Variants in MIPEP observed in about 807,000 individuals in gnomAD.
MIPEP encodes the protein mitochondrial intermediate peptidase.
In MIPEP, 79 loss-of-function variants were observed where a neutral mutation model predicts 90.3. The ratio of observed to expected loss-of-function variants is 0.87; its 90% CI spans 0.73 to 1.05. The LOEUF (loss-of-function observed/expected upper bound fraction) is 1.05. MIPEP is among the 50% of genes least tolerant of loss of function. The pLI is 0.00. For synonymous variants in MIPEP, 334 were observed against 315.8 expected, an observed-to-expected ratio of 1.06 and a Z score of -0.61; for missense variants, 940 against 905.6, an observed-to-expected ratio of 1.04 and a Z score of -0.49.
rs150197296 is a variant in MIPEP at position 23,743,318 on chromosome 13, C to T, written c.2045-12873G>A. Among the ~76,000 whole-genome samples the T allele has an allele frequency of 3.3e-3, 507 of 152,330 alleles. 1 individual carries two copies. The highest frequency in any genetic ancestry group is 4.9e-3 in the Non-Finnish European group (336 of 68,026). On this transcript the variant is annotated intron_variant, in intron 18 of 18. Coordinates refer to ENST00000382172, the MANE Select transcript of MIPEP (RefSeq NM_005932.4). ...ATTTTATGAGATCAGAATCCTCATTCCAGATCTGTCTCTCCCAAGCCTAGG... is the reference window on the plus strand; with the variant it reads ...ATTTTATGAGATCAGAATCCTCATTTCAGATCTGTCTCTCCCAAGCCTAGG...
intron 14 of MIPEP, among the ~76,000 whole-genome samples, chr13:23,815,038 G>GATA (rs928760177): frequency 6.6e-6 from 1 of 152,192 alleles, no homozygotes; most frequent in Admixed American, 6.5e-5. Flanking sequence ...AATCAAGCAA[G>GATA]ATAATGAGTT....
At chr13:23,853,599 T>C (rs184677735) in intron 10 of MIPEP, among the ~76,000 whole-genome samples, 1 of 152,072 alleles carries the variant, frequency 6.6e-6, no homozygotes, top group Non-Finnish European at 1.5e-5. Context: ...CTCACTCTGT[T>C]GCCCAAACTG....
intron 18 of MIPEP, among the ~76,000 whole-genome samples, chr13:23,741,622 G>C (rs1952329703): frequency 6.6e-6 from 1 of 151,958 alleles, no homozygotes; most frequent in Non-Finnish European, 1.5e-5. Flanking sequence ...TAAATAATGA[G>C]AACACATGGA....
intron 14 of MIPEP, among the ~76,000 whole-genome samples, chr13:23,816,073 T>C (rs1407392183): frequency 6.6e-6 from 1 of 152,246 alleles, no homozygotes; most frequent in African/African-American, 2.4e-5. Context: ...TGGTTGCCTT[T>C]AAGGTTTTCT....
chr13:23,777,647 A>G (rs1389573240), intron 16 of MIPEP, among the ~76,000 whole-genome samples: 2 of 152,216 alleles, frequency 1.3e-5, no homozygotes, highest in Non-Finnish European at 2.9e-5. Context: ...ATAAGATTAG[A>G]GTGTTTTGTG....
chr13:23,781,455 C>G (rs545665022), intron 16 of MIPEP, among the ~76,000 whole-genome samples: 1 of 152,200 alleles, frequency 6.6e-6, no homozygotes, highest in Admixed American at 6.5e-5. Flanking sequence ...CCAAAGGAAG[C>G]ACTAAACATG....
At chr13:23,778,726 A>AATAATAATG (rs1473010299) in intron 16 of MIPEP, among the ~76,000 whole-genome samples, 3 of 151,906 alleles carry the variant, frequency 2.0e-5, no homozygotes, top group Non-Finnish European at 4.4e-5. Flanking sequence ...TAATAATAAT[A>AATAATAATG]ATAATACATG....
intron 16 of MIPEP, among the ~76,000 whole-genome samples, chr13:23,770,090 G>A (rs147791741): frequency 2.6e-5 from 4 of 152,220 alleles, no homozygotes; most frequent in South Asian, 2.1e-4. Flanking sequence ...TAAATTACCC[G>A]GTTTCAGGTA....
At chr13:23,781,605 T>C (rs1320907663) in intron 16 of MIPEP, among the ~76,000 whole-genome samples, 1 of 151,814 alleles carries the variant, frequency 6.6e-6, no homozygotes, top group Non-Finnish European at 1.5e-5. Context: ...CACATAATAA[T>C]ATTAACCTTA....
chr13:23,850,157 G>GT (rs1438331615), intron 10 of MIPEP, among the ~76,000 whole-genome samples: 2 of 152,214 alleles, frequency 1.3e-5, no homozygotes, highest in African/African-American at 4.8e-5. Flanking sequence ...GACACAGCAC[G>GT]TGACAGTACT....
chr13:23,760,033 A>G (rs1854802436), intron 17 of MIPEP, 63 bp downstream of exon 17: 8 of 1,605,518 alleles, frequency 5.0e-6, no homozygotes, highest in Non-Finnish European at 6.0e-6. Context: ...CGACTTCCAG[A>G]TGTAATAGAG....
At chr13:23,831,389 G>GGGGGGGGGGGGGGGGGGGGGGGGGT (rs1566009699) in intron 14 of MIPEP, among the ~76,000 whole-genome samples, 1 of 144,558 alleles carries the variant, frequency 6.9e-6, no homozygotes, top group Non-Finnish European at 1.5e-5. Flanking sequence ...ATGGCGGGGG[G>GGGGGGGGGGGGGGGGGGGGGGGGGT]GGGATGTGGA....
At chr13:23,805,845 A>C (rs896854694) in intron 16 of MIPEP, 105 bp downstream of exon 16, 18 of 1,257,410 alleles carry the variant, frequency 1.4e-5, no homozygotes, top group Non-Finnish European at 2.0e-5. Flanking sequence ...GCCTCAACAT[A>C]AATGTAGGGA....
intron 14 of MIPEP, among the ~76,000 whole-genome samples, chr13:23,834,701 T>A (rs1157465611): frequency 6.6e-6 from 1 of 151,966 alleles, no homozygotes; most frequent in Non-Finnish European, 1.5e-5. Flanking sequence ...CTCCTGCACT[T>A]CTCCTCCCCA....
intron 16 of MIPEP, among the ~76,000 whole-genome samples, chr13:23,773,729 G>A (rs1214640754): frequency 2.0e-5 from 3 of 152,128 alleles, no homozygotes; most frequent in Non-Finnish European, 4.4e-5. Context: ...ATCTTTTCAT[G>A]TGCTAATTTG....
chr13:23,856,602 G>A (rs1392109329), intron 10 of MIPEP, among the ~76,000 whole-genome samples: 1 of 152,188 alleles, frequency 6.6e-6, no homozygotes, highest in African/African-American at 2.4e-5. Context: ...CTAGTAAACT[G>A]TCAAGGCGCT....
intron 7 of MIPEP, among the ~76,000 whole-genome samples, chr13:23,868,624 T>G (rs1334367147): frequency 2.0e-5 from 3 of 152,138 alleles, no homozygotes; most frequent in Non-Finnish European, 4.4e-5. Context: ...TGCCAAGACC[T>G]TGAGTCTCAC....
At chr13:23,761,478 T>C (rs1378970703) in intron 16 of MIPEP, among the ~76,000 whole-genome samples, 3 of 152,196 alleles carry the variant, frequency 2.0e-5, no homozygotes, top group Non-Finnish European at 4.4e-5. Flanking sequence ...AGAGCATCCA[T>C]TCTATCTCAG....
rs374177620 is a variant in MIPEP at position 23,853,022 on chromosome 13, T to C, written c.1106+5838A>G. The stretch of plus-strand genomic sequence containing the variant: ...ATTAAAAAAAGAGAAAATATTGTTG[T>C]TCATCTATACAATGTGCTTGTGTTT... On this transcript the variant is annotated intron_variant, in intron 10 of 18. Coordinates refer to ENST00000382172, the MANE Select transcript of MIPEP (RefSeq NM_005932.4). 3.3e-5 allele frequency among the ~76,000 whole-genome samples: 5 copies of C among 152,340 alleles called. No homozygotes were observed. In the East Asian group the frequency reaches 5.8e-4, roughly 18 times the overall value.
Sources: gnomAD v4.1 joint callset for allele counts (sites outside exome capture counted in the v4.1 genomes callset) on GRCh38, gnomAD v4.1.1 for gene constraint, MANE v1.5 for transcripts, NCBI Gene and HGNC (gene_info 2026-07-23, HGNC 2026-07-21) for gene names.